The following ASPG variants were observed in gnomAD, a reference collection of about 807,000 sequenced individuals.
ASPG encodes the protein 60 kDa lysophospholipase.
In ASPG, 53 loss-of-function variants were observed where a neutral mutation model predicts 63.2. The ratio of observed to expected loss-of-function variants is 0.84; its 90% CI spans 0.67 to 1.05. The LOEUF (loss-of-function observed/expected upper bound fraction) is 1.05, where lower values mean the gene tolerates loss of function less well. Among genes scored for constraint, ASPG ranks in the 50% least tolerant of loss-of-function variants. The pLI, the probability that ASPG is intolerant of heterozygous loss-of-function variation, is 0.00. For missense variants in ASPG, 741 were observed against 794.4 expected, an observed-to-expected ratio of 0.93 and a Z score of 0.81; for synonymous variants, 370 against 355.0, an observed-to-expected ratio of 1.04 and a Z score of -0.48.
chr14:104,104,377 A>G lies in ASPG; in HGVS notation c.827A>G (p.Lys276Arg), dbSNP rs1566836531. 1 of 1,612,608 alleles carries G rather than the reference A, an allele frequency of 6.2e-7. No homozygotes were observed. Among genetic ancestry groups the G allele is most frequent in the East Asian group, 2.2e-5 (1 of 44,882 alleles). The change falls in exon 8 of 16, where the codon AAG becomes AGG. Residue 276 changes from lysine (K) to arginine (R), a missense_variant. Transcript: ENST00000551177. ...ETFGSGNGPT[K>R]PDLLQELRVA... ...TTCGGTTCAGGGAACGGACCCACCA[A>G]GCCCGACCTGCTGCAGGAGCTGCGG...
In ASPG at chr14:104,096,024, A is replaced by C. The variant is rs934396184; in HGVS notation, c.429+368A>C. ...GGCGCATCAGGGTGGCCGCGCACAG[A>C]GCCGCACCAGGAGGCCCCGGCCATG... On this transcript the variant is annotated intron_variant, in intron 4 of 15. Transcript: ENST00000551177. Among the ~76,000 whole-genome samples, 4 of 152,098 alleles carry C rather than the reference A, an allele frequency of 2.6e-5. 1 individual carries two copies. The highest frequency in any genetic ancestry group is 1.3e-4 in the Admixed American group (2 of 15,288).
chr14:104,098,823 G>A, intron 5 of ASPG, 30 bp from the exon 6 acceptor site: 2 of 1,609,102 alleles, frequency 1.2e-6, no homozygotes, highest in Non-Finnish European at 8.5e-7. Flanking sequence ...GGTGGCCGCT[G>A]CTCTGAACTC....
chr14:104,109,698 G>T lies in ASPG; in HGVS notation c.1520+383G>T, dbSNP rs1393108636. ...CTGGGGGGTGGCTGGGGCTGCATTT[G>T]GGGAGGTTGGGGCAGGTGGGGCACA... is the stretch of plus-strand genomic sequence containing the variant. On this transcript the variant is annotated intron_variant, in intron 13 of 15. Transcript: ENST00000551177. The surrounding 1 kb of genome is among the most constrained non-coding windows in gnomAD (Gnocchi z 4.8). Among the ~76,000 whole-genome samples the T allele has an allele frequency of 2.0e-5, 3 of 151,574 alleles. No homozygotes were observed. The East Asian group carries it at 5.8e-4, about 30-fold the overall frequency.
intron 5 of ASPG, among the ~76,000 whole-genome samples, chr14:104,097,878 A>ACGTATGGAGGTTCTGTGTTAGAGATG (rs2036672582): frequency 1.3e-5 from 1 of 79,076 alleles, no homozygotes; most frequent in African/African-American, 4.8e-5. Flanking sequence ...CGTTAGAGAT[A>ACGTATGGAGGTTCTGTGTTAGAGATG]CGTATGGAGG....
chr14:104,111,119 G>T, intron 13 of ASPG: 1 of 985,396 alleles, frequency 1.0e-6, no homozygotes, highest in Non-Finnish European at 1.2e-6. Flanking sequence ...GCAGGTGGGC[G>T]TGCATATGTG....
chr14:104,105,093 G>T, intron 9 of ASPG: 1 of 631,832 alleles, frequency 1.6e-6, no homozygotes, highest in Non-Finnish European at 2.7e-6. Context: ...GCCAGCCTCT[G>T]GGGCTGGACG....
rs767480735 is a variant in ASPG, at chr14:104,104,672, C to T, written c.987C>T (p.Ala329=). 37 of 1,610,948 alleles carry T rather than the reference C, an allele frequency of 2.3e-5. No individual in the cohort carries two copies. The highest frequency in any genetic ancestry group is 4.0e-5 in the African/African-American group (3 of 74,914). ...VISGFDMTSE[A]ALAKLSYVLG... is the part of the protein sequence containing the mutation. ...CAGGCTTCGACATGACATCGGAGGC[C>T]GCCCTGGCCAAGCTATCGTATGTGC... The change falls in exon 9 of 16, where the codon GCC becomes GCT. Residue 329 remains alanine (A), a synonymous_variant. Coordinates refer to ENST00000551177, the MANE Select transcript of ASPG (RefSeq NM_001080464.3).
Position 104,095,608 on chromosome 14 carries a change from C to T in ASPG, c.381C>T (p.Ser127=), listed in dbSNP as rs1338168931. 3.1e-6 allele frequency: 5 copies of T among 1,613,250 alleles called. No individual in the cohort carries two copies. Among genetic ancestry groups the T allele is most frequent in the East Asian group, 2.2e-5 (1 of 44,882 alleles). Reference sequence around the variant, plus strand: ...TGGCCTTTGCTGCCTCGATGCTGTCCTTCATGCTGGAGAACCTGCAGAAGA... The same window carrying T: ...TGGCCTTTGCTGCCTCGATGCTGTCTTTCATGCTGGAGAACCTGCAGAAGA... The part of the protein sequence containing the change: ...DTMAFAASML[S]FMLENLQKTV... Residue 127 remains serine, a synonymous_variant, in exon 4 of 16, where the codon TCC becomes TCT. Transcript: ENST00000551177.
Position 104,110,593 on chromosome 14 carries a change from T to C in ASPG, c.1521-909T>C. Reference sequence around the variant, plus strand: ...CGGTGTGTGTGTGGGGCTTGGCCTCTTGGAGCAGGTCCAGGAGGGGCCAGT... The same window carrying C: ...CGGTGTGTGTGTGGGGCTTGGCCTCCTGGAGCAGGTCCAGGAGGGGCCAGT... On this transcript the variant is annotated intron_variant, in intron 13 of 15. Coordinates refer to ENST00000551177, the MANE Select transcript of ASPG (RefSeq NM_001080464.3). This position sits in a 1 kb window ranked among gnomAD's most constrained non-coding sequence, Gnocchi z 4.7. 1.0e-6 allele frequency: 1 copy of C among 985,286 alleles called. No homozygotes were observed. The highest frequency in any genetic ancestry group is 1.2e-6 in the Non-Finnish European group (1 of 829,846). 61.0% of individuals were successfully genotyped at this position (985,286 alleles called of 1,614,324 possible). A position where few individuals can be genotyped will look rare whatever the true frequency, so the allele number is the denominator to read the frequency against.
Position 104,104,684 on chromosome 14 carries a change from G to T in ASPG, c.999G>T (p.Lys333Asn). Residue 333 changes from lysine to asparagine, a missense_variant, in exon 9 of 16, where the codon AAG becomes AAT. Coordinates refer to ENST00000551177, the MANE Select transcript of ASPG (RefSeq NM_001080464.3). ...FDMTSEAALA[K>N]LSYVLGQPGL... ...TGACATCGGAGGCCGCCCTGGCCAAGCTATCGTATGTGCTGGGCCAGCCAG... is the reference window on the plus strand; with the variant it reads ...TGACATCGGAGGCCGCCCTGGCCAATCTATCGTATGTGCTGGGCCAGCCAG... 6.2e-7 allele frequency: 1 copy of T among 1,611,276 alleles called. No homozygotes were observed. Among genetic ancestry groups the T allele is most frequent in the East Asian group, 2.2e-5 (1 of 44,836 alleles).
chr14:104,112,274 C>A (rs2037404779), intron 15 of ASPG, among the ~76,000 whole-genome samples: 1 of 152,106 alleles, frequency 6.6e-6, no homozygotes. Flanking sequence ...CTCAGCATCC[C>A]CTTACCCACC....
chr14:104,099,382 G>A (rs1230915070), intron 6 of ASPG, among the ~76,000 whole-genome samples: 1 of 152,052 alleles, frequency 6.6e-6, no homozygotes, highest in African/African-American at 2.4e-5. Context: ...GTTCCGGCGG[G>A]CAGCCCAGCC....
rs2036653648 is a variant in ASPG at position 104,097,631 on chromosome 14, C to T, written c.507C>T (p.Ile169=). The T allele has an allele frequency of 6.4e-7, 1 of 1,562,352 alleles. No individual in the cohort carries two copies. The highest frequency in any genetic ancestry group is 1.9e-5 in the Admixed American group (1 of 52,640). ...TGCTCATGGCTGGCCAGTATGTGAT[C>T]CCAGAGGTACCTGCCTGGTGCACGT... is the stretch of plus-strand genomic sequence containing the variant. ...GALLMAGQYV[I]PEVCLFFQNQ... is the part of the protein sequence containing the mutation. The change falls in exon 5 of 16, where the codon ATC becomes ATT. Residue 169 remains isoleucine, a synonymous_variant. Coordinates refer to ENST00000551177, the MANE Select transcript of ASPG (RefSeq NM_001080464.3).
At chr14:104,106,734 G>A (rs1223937830) in intron 10 of ASPG, 65 bp from the exon 11 acceptor site, 19 of 1,410,390 alleles carry the variant, frequency 1.3e-5, no homozygotes, top group Admixed American at 2.0e-5. Context: ...CAGCACCGGG[G>A]ACTGCCAGTT....
rs938457637 is a variant in ASPG at position 104,091,738 on chromosome 14, G to A, written c.83-895G>A. 1.3e-5 allele frequency among the ~76,000 whole-genome samples: 2 copies of A among 151,706 alleles called. No homozygotes were observed. Among genetic ancestry groups the A allele is most frequent in the African/African-American group, 2.4e-5 (1 of 41,268 alleles). ...CCAGTGATAGGCGATGGGTACAGCT[G>A]CAGAGGGCGAGGGGGGAAAGCAGGT... is the stretch of plus-strand genomic sequence containing the variant. On this transcript the variant is annotated intron_variant, in intron 1 of 15. Transcript: ENST00000551177. This position sits in a 1 kb window ranked among gnomAD's most constrained non-coding sequence, Gnocchi z 6.4.
intron 2 of ASPG, 118 bp downstream of exon 2, chr14:104,092,859 A>G: frequency 1.2e-6 from 1 of 822,872 alleles, no homozygotes; most frequent in Admixed American, 2.2e-5. Flanking sequence ...TGTCTCTAAC[A>G]TCCCCTCAGC....
chr14:104,110,770 T>C lies in ASPG; in HGVS notation c.1521-732T>C. Reference sequence around the variant, plus strand: ...CACTTCCCCCAGCCCCTGCACACCATGGGTGGGTGGAGCCTTCCCTGCCGG... The same window carrying C: ...CACTTCCCCCAGCCCCTGCACACCACGGGTGGGTGGAGCCTTCCCTGCCGG... On this transcript the variant is annotated intron_variant, in intron 13 of 15. Coordinates refer to ENST00000551177, the MANE Select transcript of ASPG (RefSeq NM_001080464.3). This position sits in a 1 kb window ranked among gnomAD's most constrained non-coding sequence, Gnocchi z 4.7. 1 of 985,266 alleles carries C rather than the reference T, an allele frequency of 1.0e-6. No individual in the cohort carries two copies. Among genetic ancestry groups the C allele is most frequent in the Non-Finnish European group, 1.2e-6 (1 of 829,850 alleles). 61.0% of individuals were successfully genotyped at this position (985,266 alleles called of 1,614,324 possible). A position where few individuals can be genotyped will look rare whatever the true frequency, so the allele number is the denominator to read the frequency against.
chr14:104,093,093 G>C (rs2140984603), intron 2 of ASPG: 1 of 473,424 alleles, frequency 2.1e-6, no homozygotes, highest in African/African-American at 1.9e-5. Context: ...CCATTTCTCA[G>C]CTCTGGGCCC....
intron 14 of ASPG, 137 bp downstream of exon 14, chr14:104,111,738 C>G: frequency 1.1e-6 from 1 of 888,242 alleles, no homozygotes; most frequent in East Asian, 2.6e-5. Flanking sequence ...CCATGCAGGA[C>G]CCGCACAGAC....
Sources: gnomAD v4.1 joint callset for allele counts (sites outside exome capture counted in the v4.1 genomes callset) on GRCh38, gnomAD v4.1.1 for gene constraint, Gnocchi (gnomAD v3.1) non-coding constraint, MANE v1.5 for transcripts, NCBI Gene and HGNC (gene_info 2026-07-23, HGNC 2026-07-21) for gene names.